The following CRYBG2 variants were observed in gnomAD, a reference collection of about 807,000 sequenced individuals.
CRYBG2 encodes beta/gamma crystallin domain-containing protein 2.
A neutral mutation model predicts 153.4 loss-of-function variants in CRYBG2; 106 were observed. That is an observed-to-expected ratio of 0.69 (90% CI 0.59 to 0.81). The LOEUF (loss-of-function observed/expected upper bound fraction) is 0.81, where lower values mean the gene tolerates loss of function less well. CRYBG2 is among the 30% of genes least tolerant of loss of function. The pLI is 0.00. For synonymous variants in CRYBG2, 851 were observed against 877.8 expected (o/e 0.97, Z 0.54); for missense variants, 1,996 against 2,112.0 (o/e 0.95, Z 1.08).
intron 14 of CRYBG2, among the ~76,000 whole-genome samples, chr1:26,332,757 C>T (rs1434449397): frequency 2.0e-5 from 3 of 151,962 alleles, no homozygotes; most frequent in East Asian, 1.9e-4. Flanking sequence ...CCACCCACCT[C>T]GGCCTCCCAG....
At position 26,344,616 on chromosome 1, in the gene CRYBG2, C is replaced by T. The variant is rs1411878939; in HGVS notation, c.2042G>A (p.Gly681Glu). Residue 681 changes from glycine (G) to glutamate (E), a missense_variant, in exon 2 of 20, where the codon GGG becomes GAG. Coordinates refer to ENST00000308182, the MANE Select transcript of CRYBG2 (RefSeq NM_001039775.4). The part of the protein sequence containing the change: ...PATSLPKQDK[G>E]VQDSEGSPIS... Reference sequence around the variant, plus strand: ...GGGGCTCCCTTCAGAGTCCTGGACCCCCTTATCCTGTTTGGGGAGTGAGGT... The same window carrying T: ...GGGGCTCCCTTCAGAGTCCTGGACCTCCTTATCCTGTTTGGGGAGTGAGGT... 6.5e-7 allele frequency: 1 copy of T among 1,536,210 alleles called. No individual in the cohort carries two copies. The highest frequency in any genetic ancestry group is 1.4e-5 in the African/African-American group (1 of 73,114).
Position 26,343,275 on chromosome 1 carries a change from G to T in CRYBG2, c.2932C>A (p.Gln978Lys). The change falls in exon 3 of 20, where the codon CAG becomes AAG. Residue 978 changes from glutamine to lysine, a missense_variant. Transcript: ENST00000308182. The surrounding 1 kb of genome is among the most constrained non-coding windows in gnomAD (Gnocchi z 4.1). ...CCAGGCCTGGTGTTCAGCTTGCCCT[G>T]GGTCTTTAAGGCTGGGCTCTGAAAC... Reference protein sequence around the residue: ...LEGWSPALKTQGKLNTRPGKV... With the variant: ...LEGWSPALKTKGKLNTRPGKV... 6.5e-7 allele frequency: 1 copy of T among 1,550,194 alleles called. No individual in the cohort carries two copies. Among genetic ancestry groups the T allele is most frequent in the Non-Finnish European group, 8.7e-7 (1 of 1,146,926 alleles).
chr1:26,344,068 T>C lies in CRYBG2; in HGVS notation c.2590A>G (p.Arg864Gly), dbSNP rs1220514539. The C allele has an allele frequency of 5.9e-6, 9 of 1,536,048 alleles. No homozygotes were observed. Among genetic ancestry groups the C allele is most frequent in the Non-Finnish European group, 7.0e-6 (8 of 1,146,898 alleles). The change falls in exon 2 of 20, where the codon AGA becomes GGA. Residue 864 changes from arginine to glycine, a missense_variant. Coordinates refer to ENST00000308182, the MANE Select transcript of CRYBG2 (RefSeq NM_001039775.4). The part of the protein sequence containing the change: ...PSPSRDLHPA[R>G]PTQVSCSPLE... ...GGAGAGCAGGAGACCTGGGTGGGTC[T>C]GGCAGGGTGGAGGTCCCTGGAGGGG... is the stretch of plus-strand genomic sequence containing the variant.
chr1:26,329,917 T>C (rs2073979314), intron 15 of CRYBG2, among the ~76,000 whole-genome samples: 1 of 152,042 alleles, frequency 6.6e-6, no homozygotes, highest in Non-Finnish European at 1.5e-5. Flanking sequence ...GGCTAATTTT[T>C]GTAGAGACGG....
chr1:26,326,093 T>C (rs1162123864), intron 17 of CRYBG2, among the ~76,000 whole-genome samples: 1 of 152,010 alleles, frequency 6.6e-6, no homozygotes, highest in Non-Finnish European at 1.5e-5. Context: ...GGTCTCGCCA[T>C]GTTGCCCAGG....
At position 26,344,418 on chromosome 1, in the gene CRYBG2, G is replaced by A. The variant is rs904727714; in HGVS notation, c.2240C>T (p.Thr747Met). 57 of 1,524,016 alleles carry A rather than the reference G, an allele frequency of 3.7e-5. No individual in the cohort carries two copies. The highest frequency in any genetic ancestry group is 3.7e-4 in the East Asian group (15 of 40,700). The allele number at this position is 1,524,016 out of a possible 1,614,324, so 94.4% of individuals were successfully genotyped here. ...CTCCTCCCTTGATGTCTCTGTGCAC[G>A]TCTTGCCCTCGGTGGGATCAGAGAC... is the stretch of plus-strand genomic sequence containing the variant. ...QLVSDPTEGK[T>M]CTETSREEDE... The change falls in exon 2 of 20, where the codon ACG (threonine) becomes ATG (methionine). Residue 747 changes from threonine (T) to methionine (M), a missense_variant. Physicochemically the swap from Thr to Met is moderately conservative, Grantham distance 81 (BLOSUM62 -1). Coordinates refer to ENST00000308182, the MANE Select transcript of CRYBG2 (RefSeq NM_001039775.4).
At chr1:26,342,422 C>T (rs547579975) in intron 5 of CRYBG2, among the ~76,000 whole-genome samples, 4 of 152,302 alleles carry the variant, frequency 2.6e-5, no homozygotes, top group East Asian at 3.9e-4. Flanking sequence ...TCTTTTGAAA[C>T]GGAGTCTCAC....
chr1:26,326,948 G>A (rs911367948), intron 17 of CRYBG2: 15 of 489,736 alleles, frequency 3.1e-5, no homozygotes, highest in East Asian at 2.7e-4. Flanking sequence ...AAATGTGTTC[G>A]TGGCAGGATC....
At position 26,354,089 on chromosome 1, in the gene CRYBG2, G is replaced by C; in HGVS notation, c.-109C>G. On this transcript the variant is annotated 5_prime_UTR_variant, in exon 1 of 20. Coordinates refer to ENST00000308182, the MANE Select transcript of CRYBG2 (RefSeq NM_001039775.4). The stretch of plus-strand genomic sequence containing the variant: ...GGTGTCCAGCCAGCCTGGAGCTCCT[G>C]CTGCTGGGCCGTGCTCCCCTGATGC... 2.5e-6 allele frequency: 1 copy of C among 399,668 alleles called. No homozygotes were observed. The highest frequency in any genetic ancestry group is 4.4e-6 in the Non-Finnish European group (1 of 226,582). The allele number at this position is 399,668 out of a possible 1,614,324, so 24.8% of individuals were successfully genotyped here.
chr1:26,334,743 T>C (rs1251415074), intron 14 of CRYBG2, among the ~76,000 whole-genome samples: 2 of 151,508 alleles, frequency 1.3e-5, no homozygotes, highest in Non-Finnish European at 1.5e-5. Flanking sequence ...ACCAACATCA[T>C]GAAACCCCAT....
rs189993489 is a variant in CRYBG2 at position 26,325,355 on chromosome 1, C to T, written c.4579-1045G>A. ...GGTGGATCACCTGAGGTCAGGAGTT[C>T]GAGGTCAGCCTGGCCAACATGGCAA... is the stretch of plus-strand genomic sequence containing the variant. On this transcript the variant is annotated intron_variant, in intron 17 of 19. Transcript: ENST00000308182. The surrounding 1 kb of genome is among the most constrained non-coding windows in gnomAD (Gnocchi z 4.1). Among the ~76,000 whole-genome samples, 335 of 152,232 alleles carry T rather than the reference C, an allele frequency of 2.2e-3. 1 individual carries two copies. Among genetic ancestry groups the T allele is most frequent in the African/African-American group, 7.6e-3 (316 of 41,536 alleles).
intron 7 of CRYBG2, 65 bp downstream of exon 7, chr1:26,338,286 C>T (rs1331533584): frequency 6.5e-7 from 1 of 1,533,292 alleles, no homozygotes; most frequent in Non-Finnish European, 8.8e-7. Flanking sequence ...GACTGCAGGA[C>T]CAGCTACTTG....
chr1:26,322,292 CCAAT>C lies in CRYBG2; in HGVS notation c.4765_4768del (p.Ile1589AspfsTer42). 1 of 1,613,678 alleles carries C rather than the reference CCAAT, an allele frequency of 6.2e-7. No homozygotes were observed. Among genetic ancestry groups the C allele is most frequent in the Non-Finnish European group, 8.5e-7 (1 of 1,179,984 alleles). On this transcript the variant is annotated frameshift_variant, in exon 19 of 20. Coordinates refer to ENST00000308182, the MANE Select transcript of CRYBG2 (RefSeq NM_001039775.4). LOFTEE classifies it high-confidence loss of function. ...CACCTTGGAGCCTGGGCTAGGGGGT[CCAAT>C]CACCTGTAGGCTCATGGTGGGGGCC...
intron 1 of CRYBG2, among the ~76,000 whole-genome samples, chr1:26,352,653 T>C (rs1430901289): frequency 2.0e-5 from 3 of 151,822 alleles, no homozygotes; most frequent in Non-Finnish European, 2.9e-5. Context: ...CCACTCTAAG[T>C]GAGCCCTAGC....
At chr1:26,334,181 G>C (rs1334064532) in intron 14 of CRYBG2, among the ~76,000 whole-genome samples, 3 of 152,174 alleles carry the variant, frequency 2.0e-5, no homozygotes, top group Non-Finnish European at 4.4e-5. Context: ...CCAACACTTT[G>C]GGAGACCAAG....
rs1164209227 is a variant in CRYBG2, at chr1:26,325,249, A to T, written c.4579-939T>A. ...CACTGTCAATGGTGTCACAAGTACAAGCATGCGCAGTCATAAATGCAATCC... is the reference window on the plus strand; with the variant it reads ...CACTGTCAATGGTGTCACAAGTACATGCATGCGCAGTCATAAATGCAATCC... On this transcript the variant is annotated intron_variant, in intron 17 of 19. Transcript: ENST00000308182. The surrounding 1 kb of genome is among the most constrained non-coding windows in gnomAD (Gnocchi z 4.1). 6.6e-6 allele frequency: 1 copy of T among 152,218 alleles called. No homozygotes were observed. Among genetic ancestry groups the T allele is most frequent in the Non-Finnish European group, 1.5e-5 (1 of 68,048 alleles). The allele number at this position is 152,218 out of a possible 1,614,324, so 9.4% of individuals were successfully genotyped here.
chr1:26,331,649 G>T (rs758180953), intron 14 of CRYBG2, 31 bp from the exon 15 acceptor site: 1 of 1,610,260 alleles, frequency 6.2e-7, no homozygotes. Context: ...GAGGGTATCT[G>T]AGCCTACCTG....
Position 26,346,579 on chromosome 1 carries a change from G to A in CRYBG2, c.79C>T (p.Pro27Ser), listed in dbSNP as rs762377248. ...SATLTWRQRPPTQEEIKHGFH... is the reference protein window; with the variant it reads ...SATLTWRQRPSTQEEIKHGFH... ...CCATGTTTGATCTCTTCCTGGGTGG[G>A]GGGCCGCTGCCGCCATGTCAATGTG... Residue 27 changes from proline to serine, a missense_variant, in exon 2 of 20, where the codon CCC becomes TCC. By Grantham distance (74) the Pro-to-Ser change is moderately conservative. Transcript: ENST00000308182. This position sits in a 1 kb window ranked among gnomAD's most constrained non-coding sequence, Gnocchi z 4.9. 2 of 1,601,264 alleles carry A rather than the reference G, an allele frequency of 1.2e-6. No homozygotes were observed. Among genetic ancestry groups the A allele is most frequent in the African/African-American group, 2.7e-5 (2 of 74,794 alleles).
At position 26,345,768 on chromosome 1, in the gene CRYBG2, G is replaced by A. The variant is rs1388984946; in HGVS notation, c.890C>T (p.Pro297Leu). 2 of 1,597,166 alleles carry A rather than the reference G, an allele frequency of 1.3e-6. No homozygotes were observed. The highest frequency in any genetic ancestry group is 1.3e-5 in the African/African-American group (1 of 74,900). The change falls in exon 2 of 20, where the codon CCA becomes CTA. Residue 297 changes from proline to leucine, a missense_variant. Coordinates refer to ENST00000308182, the MANE Select transcript of CRYBG2 (RefSeq NM_001039775.4). ...DSSALASTGI[P>L]ASAHLPKNQD... ...ATTCTTAGGCAGGTGAGCACTGGCT[G>A]GGATGCCTGTAGAGGCCAGGGCAGA...
Sources: gnomAD v4.1 joint callset for allele counts (sites outside exome capture counted in the v4.1 genomes callset) on GRCh38, gnomAD v4.1.1 for gene constraint, Gnocchi (gnomAD v3.1) non-coding constraint, MANE v1.5 for transcripts, NCBI Gene and HGNC (gene_info 2026-07-23, HGNC 2026-07-21) for gene names.